MVB12B: variants seen among roughly 807,000 people sequenced by gnomAD.
MVB12B encodes the protein ESCRT-I complex subunit MVB12B.
A neutral mutation model predicts 41.6 loss-of-function variants in MVB12B; 16 were observed. That is an observed-to-expected ratio of 0.38 (90% CI 0.26 to 0.58). The LOEUF (loss-of-function observed/expected upper bound fraction) is 0.58. MVB12B is among the 20% of genes least tolerant of loss of function. The pLI is 0.62. For synonymous variants in MVB12B, 133 were observed against 139.7 expected, an observed-to-expected ratio of 0.95 and a Z score of 0.34; for missense variants, 274 against 380.2, an observed-to-expected ratio of 0.72 and a Z score of 2.32.
intron 6 of MVB12B, among the ~76,000 whole-genome samples, chr9:126,419,930 A>G (rs1007338516): frequency 6.6e-6 from 1 of 152,120 alleles, no homozygotes; most frequent in Non-Finnish European, 1.5e-5. Flanking sequence ...CCTCCATCCT[A>G]GGAGTTTGAA....
intron 7 of MVB12B, among the ~76,000 whole-genome samples, chr9:126,467,368 G>C (rs541732969): frequency 6.6e-6 from 1 of 152,182 alleles, no homozygotes; most frequent in African/African-American, 2.4e-5. Context: ...GGAGGCCCAC[G>C]GTGCTGGTGT....
chr9:126,491,751 C>T (rs1458104590), intron 9 of MVB12B, among the ~76,000 whole-genome samples: 4 of 152,100 alleles, frequency 2.6e-5, no homozygotes, highest in African/African-American at 9.7e-5. Context: ...GAGCTAATTC[C>T]AGCCCAAAAC....
intron 7 of MVB12B, among the ~76,000 whole-genome samples, chr9:126,445,605 C>A (rs1475584098): frequency 6.6e-6 from 1 of 152,078 alleles, no homozygotes; most frequent in East Asian, 1.9e-4. Context: ...ACCCAGCCTG[C>A]ATTGCCCATT....
intron 7 of MVB12B, among the ~76,000 whole-genome samples, chr9:126,470,596 C>T (rs1461584837): frequency 6.6e-6 from 1 of 151,876 alleles, no homozygotes; most frequent in African/African-American, 2.4e-5. Flanking sequence ...GCGAGCCCCT[C>T]AATTACAGTC....
chr9:126,339,162 G>T (rs974144632), intron 1 of MVB12B, among the ~76,000 whole-genome samples: 6 of 152,214 alleles, frequency 3.9e-5, no homozygotes, highest in Admixed American at 1.3e-4. Flanking sequence ...CTTTTTGTGG[G>T]TTCCACTGAC....
Position 126,432,232 on chromosome 9 carries a change from A to C in MVB12B, c.757+10284A>C, listed in dbSNP as rs758933748. 2.9e-4 allele frequency among the ~76,000 whole-genome samples: 44 copies of C among 152,298 alleles called. No homozygotes were observed. In the Middle Eastern group the frequency reaches 0.017, roughly 59 times the overall value. On this transcript the variant is annotated intron_variant, in intron 7 of 9. Coordinates refer to ENST00000361171, the MANE Select transcript of MVB12B (RefSeq NM_033446.3). ...TTTCCCCCTGATAATTCCCTTCCTT[A>C]GAGACAGCATAATTGTAGACCTGGC...
intron 2 of MVB12B, among the ~76,000 whole-genome samples, chr9:126,355,901 A>G (rs755852727): frequency 9.9e-5 from 15 of 152,200 alleles, no homozygotes; most frequent in Non-Finnish European, 2.1e-4. Context: ...CATTTTTATC[A>G]CCCCAAAAGG....
chr9:126,484,099 G>A, intron 9 of MVB12B, 67 bp downstream of exon 9: 1 of 1,479,666 alleles, frequency 6.8e-7, no homozygotes, highest in South Asian at 1.1e-5. Context: ...CGTCTCTCGT[G>A]TGTTCCCCTA....
intron 1 of MVB12B, among the ~76,000 whole-genome samples, chr9:126,338,690 G>C (rs1409408623): frequency 6.6e-6 from 1 of 151,990 alleles, no homozygotes; most frequent in East Asian, 1.9e-4. Context: ...AAGCATTCTT[G>C]GTAACCAACA....
At chr9:126,470,784 C>T (rs967648747) in intron 7 of MVB12B, among the ~76,000 whole-genome samples, 4 of 152,074 alleles carry the variant, frequency 2.6e-5, no homozygotes, top group African/African-American at 9.7e-5. Context: ...AACATTGCTT[C>T]CGTCCCACCA....
In MVB12B at chr9:126,409,299, CTGTGTGTGTGTGTGTG is replaced by C. The variant is rs61211126; in HGVS notation, c.663-12523_663-12508del. On this transcript the variant is annotated intron_variant, in intron 6 of 9. Coordinates refer to ENST00000361171, the MANE Select transcript of MVB12B (RefSeq NM_033446.3). ...TTGTCATCACTTTTGGTGAGTAACT[CTGTGTGTGTGTGTGTG>C]TGTGTGTGTGTGTGTGTGTGTGTGT... 1.7e-3 allele frequency among the ~76,000 whole-genome samples: 238 copies of C among 138,114 alleles called. 2 individuals are homozygous for C. The highest frequency in any genetic ancestry group is 3.4e-3 in the Admixed American group (48 of 13,998). The allele number at this position is 138,114 out of a possible 152,430, so 90.6% of individuals were successfully genotyped here.
intron 7 of MVB12B, among the ~76,000 whole-genome samples, chr9:126,444,707 A>G (rs777876195): frequency 1.3e-5 from 2 of 152,008 alleles, no homozygotes; most frequent in Non-Finnish European, 2.9e-5. Flanking sequence ...GGTATATTCT[A>G]GTACCTTCAT....
Position 126,331,380 on chromosome 9 carries a change from C to T in MVB12B, c.81+4370C>T, listed in dbSNP as rs554643121. On this transcript the variant is annotated intron_variant, in intron 1 of 9. Coordinates refer to ENST00000361171, the MANE Select transcript of MVB12B (RefSeq NM_033446.3). The stretch of plus-strand genomic sequence containing the variant: ...CCTAGTGGCAAGTGATGTTGAGCAT[C>T]TTTTTGGGTGCTGGTTGGCTATTCG... 2.6e-5 allele frequency among the ~76,000 whole-genome samples: 4 copies of T among 152,312 alleles called. No homozygotes were observed. In the South Asian group the frequency reaches 6.2e-4, roughly 24 times the overall value.
At chr9:126,430,812 C>T (rs1488333878) in intron 7 of MVB12B, among the ~76,000 whole-genome samples, 1 of 152,198 alleles carries the variant, frequency 6.6e-6, no homozygotes, top group Non-Finnish European at 1.5e-5. Flanking sequence ...TTGTGCACTG[C>T]ACAAAATATG....
intron 6 of MVB12B, among the ~76,000 whole-genome samples, chr9:126,401,744 C>T (rs1233994345): frequency 1.3e-5 from 2 of 152,258 alleles, no homozygotes; most frequent in Non-Finnish European, 2.9e-5. Context: ...TGCCACGCTC[C>T]GTCCTGGCCT....
intron 6 of MVB12B, chr9:126,396,650 G>C: frequency 1.0e-6 from 1 of 985,456 alleles, no homozygotes. Flanking sequence ...GGAAGAATGT[G>C]CTGTAATGAG....
intron 2 of MVB12B, among the ~76,000 whole-genome samples, chr9:126,349,060 CAT>C (rs770654547): frequency 3.9e-5 from 6 of 152,034 alleles, no homozygotes; most frequent in Non-Finnish European, 5.9e-5. Context: ...GGTGGGGAAA[CAT>C]AGGTGGGGAA....
intron 2 of MVB12B, among the ~76,000 whole-genome samples, chr9:126,371,375 C>T (rs1050790662): frequency 6.6e-6 from 1 of 152,252 alleles, no homozygotes; most frequent in Non-Finnish European, 1.5e-5. Context: ...ATGTGTATCT[C>T]CCATTTCCTG....
intron 5 of MVB12B, among the ~76,000 whole-genome samples, chr9:126,394,585 G>T (rs1191772738): frequency 6.6e-6 from 1 of 152,158 alleles, no homozygotes; most frequent in African/African-American, 2.4e-5. Flanking sequence ...CTTTGCAAGG[G>T]TTTGGGATTG....
Sources: allele counts gnomAD v4.1 joint callset (sites outside exome capture counted in the v4.1 genomes callset), GRCh38; gene constraint gnomAD v4.1.1; transcripts MANE v1.5; gene names NCBI Gene and HGNC (gene_info 2026-07-23, HGNC 2026-07-21).